PCCB: variants seen among roughly 807,000 people sequenced by gnomAD.
PCCB encodes the protein propionyl-CoA carboxylase subunit beta, also known as propionyl-CoA carboxylase beta chain, mitochondrial.
PCCB carries 43 observed loss-of-function variants against 60.7 expected under a neutral mutation model. The ratio of observed to expected loss-of-function variants is 0.71; its 90% CI spans 0.55 to 0.91. The LOEUF (loss-of-function observed/expected upper bound fraction) is 0.91. Ranked by LOEUF, PCCB falls within the 40% of genes least tolerant of loss-of-function variation. PCCB has a pLI of 0.00. For synonymous variants in PCCB, 276 were observed against 255.9 expected (o/e 1.08, Z -0.75); for missense variants, 766 against 702.8 (o/e 1.09, Z -1.02).
At chr3:136,263,939 GAGAC>G (rs1201137702) in intron 5 of PCCB, among the ~76,000 whole-genome samples, 4 of 151,658 alleles carry the variant, frequency 2.6e-5, no homozygotes, top group Non-Finnish European at 5.9e-5. Flanking sequence ...TTGAACCTGG[GAGAC>G]AGAGGTTACA....
At chr3:136,287,044 AAAAT>A (rs1275426906) in intron 6 of PCCB, among the ~76,000 whole-genome samples, 2 of 150,818 alleles carry the variant, frequency 1.3e-5, no homozygotes, top group East Asian at 3.9e-4. Flanking sequence ...AAAAAAAAAA[AAAAT>A]AATAAAAATA....
At chr3:136,296,595 CAT>C (rs1282989015) in intron 7 of PCCB, among the ~76,000 whole-genome samples, 3 of 152,238 alleles carry the variant, frequency 2.0e-5, no homozygotes, top group East Asian at 1.9e-4. Flanking sequence ...TTTGGGTAGA[CAT>C]ATGTTTTCAT....
intron 5 of PCCB, among the ~76,000 whole-genome samples, chr3:136,274,177 GTTAC>G (rs925745624): frequency 1.5e-4 from 22 of 151,634 alleles, no homozygotes; most frequent in South Asian, 2.1e-4. Context: ...CATTTTAGTT[GTTAC>G]TTACTTTGTT....
At chr3:136,311,606 CTGG>C (rs1934670217) in intron 9 of PCCB, among the ~76,000 whole-genome samples, 1 of 152,090 alleles carries the variant, frequency 6.6e-6, no homozygotes, top group African/African-American at 2.4e-5. Context: ...TTCCAAAGTG[CTGG>C]GATTTTAGGT....
chr3:136,259,152 T>G (rs1941755587), intron 3 of PCCB: 1 of 1,467,238 alleles, frequency 6.8e-7, no homozygotes, highest in Non-Finnish European at 9.0e-7. Context: ...GATTCTTGTT[T>G]TTTAACCTTT....
At chr3:136,278,226 C>A (rs888578784) in intron 5 of PCCB, among the ~76,000 whole-genome samples, 20 of 152,150 alleles carry the variant, frequency 1.3e-4, no homozygotes, top group African/African-American at 4.3e-4. Context: ...CCCCCATGGC[C>A]TGGATTTTCA....
At chr3:136,292,266 GGCT>G (rs941003376) in intron 6 of PCCB, among the ~76,000 whole-genome samples, 8 of 150,840 alleles carry the variant, frequency 5.3e-5, no homozygotes, top group Non-Finnish European at 1.2e-4. Context: ...TTTCAAATAA[GGCT>G]GCTATAAACA....
At position 136,259,111 on chromosome 3, in the gene PCCB, A is replaced by G. The variant is rs537315174; in HGVS notation, c.373-1368A>G. ...CCCTTTACATCTGAACATAATGAAGATCCATAAGCAGAAGAAGCAGTGAGA... is the reference window on the plus strand; with the variant it reads ...CCCTTTACATCTGAACATAATGAAGGTCCATAAGCAGAAGAAGCAGTGAGA... On this transcript the variant is annotated intron_variant, in intron 3 of 14. Transcript: ENST00000251654. 10 of 1,400,986 alleles carry G rather than the reference A, an allele frequency of 7.1e-6. No homozygotes were observed. In the South Asian group the frequency reaches 1.6e-4, roughly 22 times the overall value. The allele number at this position is 1,400,986 out of a possible 1,614,324, so 86.8% of individuals were successfully genotyped here.
chr3:136,269,874 A>T, intron 5 of PCCB, among the ~76,000 whole-genome samples: 1 of 134,536 alleles, frequency 7.4e-6, no homozygotes, highest in Admixed American at 7.9e-5. Context: ...TGACAGAGTG[A>T]GACTCTGTCT....
chr3:136,259,161 T>C, intron 3 of PCCB: 1 of 1,466,330 alleles, frequency 6.8e-7, no homozygotes, highest in African/African-American at 1.4e-5. Context: ...TTTTTAACCT[T>C]TCTTTTTAAA....
At chr3:136,329,173 G>A (rs1935444016) in intron 14 of PCCB, among the ~76,000 whole-genome samples, 2 of 152,222 alleles carry the variant, frequency 1.3e-5, no homozygotes, top group African/African-American at 4.8e-5. Context: ...ACTGCTTATG[G>A]TTCTGTGGGG....
At position 136,256,607 on chromosome 3, in the gene PCCB, T is replaced by C; in HGVS notation, c.356T>C (p.Val119Ala). 1 of 1,610,828 alleles carries C rather than the reference T, an allele frequency of 6.2e-7. No homozygotes were observed. The highest frequency in any genetic ancestry group is 8.5e-7 in the Non-Finnish European group (1 of 1,177,004). ...TGRGRINGRLVYVFSQDFTVF... is the reference protein window; with the variant it reads ...TGRGRINGRLAYVFSQDFTVF... ...CGAGGCCGAATCAATGGAAGATTGG[T>C]TTATGTCTTCAGTCAGGTATTTCAT... Residue 119 changes from valine (V) to alanine (A), a missense_variant, in exon 3 of 15, where the codon GTT becomes GCT. Coordinates refer to ENST00000251654, the MANE Select transcript of PCCB (RefSeq NM_000532.5).
At chr3:136,313,799 T>A (rs923471308) in intron 9 of PCCB, among the ~76,000 whole-genome samples, 2 of 152,220 alleles carry the variant, frequency 1.3e-5, no homozygotes, top group Admixed American at 1.3e-4. Context: ...GGTCTGTTTT[T>A]TGTAGCTAAG....
At chr3:136,282,500 A>G (rs905827388) in intron 5 of PCCB, among the ~76,000 whole-genome samples, 6 of 152,180 alleles carry the variant, frequency 3.9e-5, no homozygotes, top group Non-Finnish European at 5.9e-5. Flanking sequence ...GGGTTACTAT[A>G]TATCTCTTAA....
chr3:136,327,287 G>C (rs779809576), intron 12 of PCCB, 32 bp downstream of exon 12: 9 of 1,538,208 alleles, frequency 5.9e-6, no homozygotes, highest in Non-Finnish European at 8.1e-6. Context: ...CCATGACCCT[G>C]CTCACTTTCC....
chr3:136,262,538 C>T (rs531605113), intron 5 of PCCB, among the ~76,000 whole-genome samples: 1 of 152,256 alleles, frequency 6.6e-6, no homozygotes, highest in East Asian at 1.9e-4. Context: ...TTTGGCGAAC[C>T]TCATTACTGA....
intron 5 of PCCB, among the ~76,000 whole-genome samples, chr3:136,268,398 A>T (rs1576412883): frequency 6.6e-6 from 1 of 151,392 alleles, no homozygotes; most frequent in East Asian, 1.9e-4. Context: ...TCCTTAAAAT[A>T]GAACCACACT....
At chr3:136,269,679 A>G (rs1942135638) in intron 5 of PCCB, among the ~76,000 whole-genome samples, 1 of 151,836 alleles carries the variant, frequency 6.6e-6, no homozygotes, top group Non-Finnish European at 1.5e-5. Context: ...AGGTCAGGAG[A>G]TAGAGACCAT....
intron 4 of PCCB, among the ~76,000 whole-genome samples, chr3:136,260,863 G>A (rs1043767216): frequency 1.3e-5 from 2 of 152,186 alleles, no homozygotes; most frequent in Admixed American, 1.3e-4. Flanking sequence ...AGTAGATCTA[G>A]TAACTACCGT....
Sources: gnomAD v4.1 joint callset for allele counts (sites outside exome capture counted in the v4.1 genomes callset) on GRCh38, gnomAD v4.1.1 for gene constraint, MANE v1.5 for transcripts, NCBI Gene and HGNC (gene_info 2026-07-23, HGNC 2026-07-21) for gene names.